AGBL4: variants seen among roughly 807,000 people sequenced by gnomAD.
The protein encoded by AGBL4 is cytosolic carboxypeptidase 6.
Under a neutral mutation model 66.4 loss-of-function variants are expected in AGBL4, and 58 were observed. That is an observed-to-expected ratio of 0.87 (90% CI 0.71 to 1.09). The LOEUF (loss-of-function observed/expected upper bound fraction) is 1.09. Among genes scored for constraint, AGBL4 ranks in the 50% least tolerant of loss-of-function variants. The pLI is 0.00. For synonymous variants in AGBL4, 234 were observed against 222.9 expected (o/e 1.05, Z -0.44); for missense variants, 579 against 631.0 (o/e 0.92, Z 0.88).
intron 3 of AGBL4, among the ~76,000 whole-genome samples, chr1:49,600,803 C>T (rs1046387769): frequency 6.6e-6 from 1 of 152,078 alleles, no homozygotes; most frequent in Non-Finnish European, 1.5e-5. Flanking sequence ...AAGGCAGGCC[C>T]GCTGGTGACA....
At chr1:49,924,496 G>T (rs1011050754) in intron 1 of AGBL4, among the ~76,000 whole-genome samples, 7 of 151,710 alleles carry the variant, frequency 4.6e-5, no homozygotes, top group African/African-American at 1.5e-4. Context: ...GTTTTATTTG[G>T]ATTTATTTAT....
chr1:48,582,030 A>G (rs1300377562), intron 11 of AGBL4, among the ~76,000 whole-genome samples: 1 of 152,154 alleles, frequency 6.6e-6, no homozygotes, highest in Non-Finnish European at 1.5e-5. Flanking sequence ...CCAAAAAATG[A>G]ACTCTGCATA....
chr1:49,613,761 T>G (rs1460012535), intron 3 of AGBL4, among the ~76,000 whole-genome samples: 1 of 152,174 alleles, frequency 6.6e-6, no homozygotes, highest in East Asian at 1.9e-4. Context: ...TATTTCATTA[T>G]GTATTACAAC....
chr1:48,544,962 A>G (rs941916528), intron 11 of AGBL4, among the ~76,000 whole-genome samples: 1 of 152,238 alleles, frequency 6.6e-6, no homozygotes, highest in African/African-American at 2.4e-5. Context: ...CTAGAGAACT[A>G]GAATACTGTG....
chr1:48,759,340 T>C (rs1644131084), intron 6 of AGBL4: 1 of 1,521,296 alleles, frequency 6.6e-7, no homozygotes, highest in East Asian at 2.5e-5. Flanking sequence ...TTTCTTGGAC[T>C]GCAGATCAAT....
chr1:48,712,481 T>G (rs1309397849), intron 6 of AGBL4, among the ~76,000 whole-genome samples: 2 of 152,150 alleles, frequency 1.3e-5, no homozygotes, highest in Non-Finnish European at 2.9e-5. Flanking sequence ...TTGTTGTGAA[T>G]TAAAAGTAAT....
At chr1:49,221,048 GAA>G (rs1649457318) in intron 4 of AGBL4, among the ~76,000 whole-genome samples, 2 of 152,090 alleles carry the variant, frequency 1.3e-5, no homozygotes, top group Non-Finnish European at 2.9e-5. Flanking sequence ...CTCACAATCA[GAA>G]ATAAGGTGCT....
chr1:48,725,783 A>T (rs1647235303), intron 6 of AGBL4, among the ~76,000 whole-genome samples: 1 of 152,160 alleles, frequency 6.6e-6, no homozygotes, highest in South Asian at 2.1e-4. Flanking sequence ...TATTACAATA[A>T]CAAGGCACCA....
chr1:49,716,501 T>C (rs1234801884), intron 2 of AGBL4, among the ~76,000 whole-genome samples: 1 of 152,022 alleles, frequency 6.6e-6, no homozygotes, highest in Non-Finnish European at 1.5e-5. Flanking sequence ...AAGCCAATAG[T>C]AGCTTGATGG....
intron 2 of AGBL4, among the ~76,000 whole-genome samples, chr1:49,799,017 C>T (rs1201776638): frequency 6.6e-6 from 1 of 152,038 alleles, no homozygotes; most frequent in African/African-American, 2.4e-5. Flanking sequence ...CATCCACTCT[C>T]CATTAGCCTA....
chr1:49,372,690 T>C (rs1644389603), intron 3 of AGBL4, among the ~76,000 whole-genome samples: 1 of 149,230 alleles, frequency 6.7e-6, no homozygotes. Context: ...TCTTTCTTTC[T>C]CTTTCTTTCT....
At chr1:48,696,115 A>C (rs555400067) in intron 6 of AGBL4, among the ~76,000 whole-genome samples, 1 of 152,260 alleles carries the variant, frequency 6.6e-6, no homozygotes, top group East Asian at 1.9e-4. Flanking sequence ...ACAGCTGGGA[A>C]AGGAGGTATT....
intron 11 of AGBL4, among the ~76,000 whole-genome samples, chr1:48,562,960 C>T (rs922415600): frequency 2.0e-5 from 3 of 152,164 alleles, no homozygotes; most frequent in African/African-American, 7.2e-5. Context: ...TTGTGTTAGT[C>T]TTTGGTCTCT....
chr1:49,372,607 T>TTTTCTTTCTTTCTTTC (rs202108234), intron 3 of AGBL4, among the ~76,000 whole-genome samples: 8 of 111,092 alleles, frequency 7.2e-5, no homozygotes, highest in African/African-American at 1.0e-4. Context: ...TTCTTTTTCT[T>TTTTCTTTCTTTCTTTC]TTTCTTTCTT....
At chr1:49,840,067 T>G (rs1012948666) in intron 2 of AGBL4, among the ~76,000 whole-genome samples, 3 of 152,124 alleles carry the variant, frequency 2.0e-5, no homozygotes, top group African/African-American at 7.2e-5. Context: ...TAGGTACATT[T>G]GGTAGAATTT....
chr1:48,668,574 T>G (rs1646227036), intron 6 of AGBL4, among the ~76,000 whole-genome samples: 1 of 152,112 alleles, frequency 6.6e-6, no homozygotes, highest in Non-Finnish European at 1.5e-5. Context: ...ATGTTCTGTT[T>G]TCTTCCTAGG....
At chr1:49,483,022 G>C (rs910718332) in intron 3 of AGBL4, among the ~76,000 whole-genome samples, 2 of 152,026 alleles carry the variant, frequency 1.3e-5, no homozygotes, top group Non-Finnish European at 2.9e-5. Context: ...TTGGTGAAGA[G>C]TGTTTTATTT....
chr1:48,657,545 A>T (rs1337172341), intron 7 of AGBL4, among the ~76,000 whole-genome samples: 2 of 152,202 alleles, frequency 1.3e-5, no homozygotes, highest in Non-Finnish European at 2.9e-5. Context: ...TAGCAGAGAG[A>T]GCTGGCAGAG....
chr1:48,902,104 C>A (rs1652136245), intron 5 of AGBL4, among the ~76,000 whole-genome samples: 1 of 152,096 alleles, frequency 6.6e-6, no homozygotes, highest in African/African-American at 2.4e-5. Flanking sequence ...CCCCATAATT[C>A]AATTACCTCC....
Sources: gnomAD v4.1 joint callset for allele counts (sites outside exome capture counted in the v4.1 genomes callset) on GRCh38, gnomAD v4.1.1 for gene constraint, MANE v1.5 for transcripts, NCBI Gene and HGNC (gene_info 2026-07-23, HGNC 2026-07-21) for gene names.